Variants in PLCXD2 observed in about 807,000 individuals in gnomAD.
PLCXD2 encodes phosphatidylinositol specific phospholipase C X domain containing 2, also known as PI-PLC X domain-containing protein 2.
Under a neutral mutation model 28.6 loss-of-function variants are expected in PLCXD2, and 21 were observed. That is an observed-to-expected ratio of 0.73 (90% CI 0.52 to 1.06). The LOEUF is 1.06. Among genes scored for constraint, PLCXD2 ranks in the 50% least tolerant of loss-of-function variants. The pLI, the probability that PLCXD2 is intolerant of heterozygous loss-of-function variation, is 0.00. For synonymous variants in PLCXD2, 140 were observed against 150.1 expected (o/e 0.93, Z 0.49); for missense variants, 369 against 376.7 (o/e 0.98, Z 0.17).
At chr3:111,685,369 C>T (rs529871728) in intron 1 of PLCXD2, among the ~76,000 whole-genome samples, 1 of 152,286 alleles carries the variant, frequency 6.6e-6, no homozygotes, top group East Asian at 1.9e-4. Context: ...TATGAATTCT[C>T]TCTTGGCAGC....
chr3:111,716,393 G>A (rs1941267737), intron 3 of PLCXD2, among the ~76,000 whole-genome samples: 1 of 152,210 alleles, frequency 6.6e-6, no homozygotes, highest in Admixed American at 6.5e-5. Context: ...AAATGTAGAG[G>A]TGGTTTCTCG....
At chr3:111,716,253 T>C (rs762878311) in intron 3 of PLCXD2, among the ~76,000 whole-genome samples, 17 of 152,234 alleles carry the variant, frequency 1.1e-4, no homozygotes, top group Non-Finnish European at 2.4e-4. Flanking sequence ...TGTCATTTCC[T>C]CTGGGCTGTT....
At chr3:111,687,858 T>C (rs1940818061) in intron 1 of PLCXD2, among the ~76,000 whole-genome samples, 1 of 152,072 alleles carries the variant, frequency 6.6e-6, no homozygotes, top group Non-Finnish European at 1.5e-5. Flanking sequence ...CTAATTTTTT[T>C]TTATTTCTAG....
chr3:111,695,335 C>T (rs1940946272), intron 1 of PLCXD2, among the ~76,000 whole-genome samples: 2 of 152,132 alleles, frequency 1.3e-5, no homozygotes, highest in Non-Finnish European at 1.5e-5. Context: ...TGGATAGAGC[C>T]AAACCCTATA....
chr3:111,689,201 A>G (rs1940840108), intron 1 of PLCXD2, among the ~76,000 whole-genome samples: 1 of 152,200 alleles, frequency 6.6e-6, no homozygotes, highest in African/African-American at 2.4e-5. Flanking sequence ...GGATTTCAAC[A>G]TGAAGAGGGA....
At chr3:111,699,585 C>G (rs1941011842) in intron 1 of PLCXD2, among the ~76,000 whole-genome samples, 1 of 152,122 alleles carries the variant, frequency 6.6e-6, no homozygotes, top group African/African-American at 2.4e-5. Context: ...CATACCTTAC[C>G]TCTCAAATAA....
At chr3:111,720,621 A>G (rs960816875) in intron 3 of PLCXD2, 102 bp from the exon 4 acceptor site, 15 of 413,104 alleles carry the variant, frequency 3.6e-5, no homozygotes, top group Non-Finnish European at 6.2e-5. Flanking sequence ...TTATTAACAT[A>G]TTTTTGTAAT....
chr3:111,676,955 C>T (rs1037591134), intron 1 of PLCXD2: 22 of 152,308 alleles, frequency 1.4e-4, no homozygotes, highest in African/African-American at 5.3e-4. Context: ...ACTCTGACCC[C>T]GTGACTGTAG....
intron 2 of PLCXD2, among the ~76,000 whole-genome samples, chr3:111,710,406 T>C (rs894717587): frequency 1.9e-4 from 29 of 152,210 alleles, no homozygotes; most frequent in African/African-American, 6.0e-4. Context: ...GCTACGTACA[T>C]GGATTAACTC....
intron 1 of PLCXD2, among the ~76,000 whole-genome samples, chr3:111,698,159 A>G (rs960929837): frequency 9.2e-5 from 14 of 152,188 alleles, no homozygotes; most frequent in African/African-American, 3.1e-4. Context: ...ATTTCTTAAT[A>G]ATTAATAATA....
intron 1 of PLCXD2, among the ~76,000 whole-genome samples, chr3:111,706,935 A>C (rs1344097374): frequency 6.6e-6 from 1 of 152,206 alleles, no homozygotes. Flanking sequence ...ACCTAGATTT[A>C]TGAGGCAAAT....
intron 3 of PLCXD2, chr3:111,726,831 G>C (rs1374862848): frequency 1.3e-5 from 2 of 152,018 alleles, no homozygotes; most frequent in Non-Finnish European, 2.9e-5. Context: ...GTGTTCTCTT[G>C]TATTTGATTT....
At chr3:111,677,969 C>A (rs1357602588) in intron 1 of PLCXD2, among the ~76,000 whole-genome samples, 2 of 152,172 alleles carry the variant, frequency 1.3e-5, no homozygotes, top group African/African-American at 4.8e-5. Context: ...AGTGCTTCAA[C>A]CTGTTGTGTG....
chr3:111,683,579 CA>C (rs1329292747), intron 1 of PLCXD2, among the ~76,000 whole-genome samples: 4 of 152,192 alleles, frequency 2.6e-5, no homozygotes, highest in Non-Finnish European at 5.9e-5. Context: ...CTCTATTCAA[CA>C]CTTGTATAAT....
chr3:111,709,765 A>C (rs534535344), intron 2 of PLCXD2, among the ~76,000 whole-genome samples: 6 of 152,312 alleles, frequency 3.9e-5, no homozygotes, highest in Non-Finnish European at 8.8e-5. Context: ...AGGTGAAGAC[A>C]GAGTAGTGAG....
intron 1 of PLCXD2, among the ~76,000 whole-genome samples, chr3:111,698,797 G>A (rs1207079573): frequency 6.6e-6 from 1 of 152,282 alleles, no homozygotes; most frequent in East Asian, 1.9e-4. Flanking sequence ...GTGGTGGTCT[G>A]TCTCAGCCTT....
chr3:111,690,357 T>A (rs562305631), intron 1 of PLCXD2, among the ~76,000 whole-genome samples: 1 of 152,194 alleles, frequency 6.6e-6, no homozygotes, highest in African/African-American at 2.4e-5. Context: ...TGACCTGTTC[T>A]GGCTGAACAA....
At chr3:111,690,472 G>T (rs1289326536) in intron 1 of PLCXD2, among the ~76,000 whole-genome samples, 1 of 152,130 alleles carries the variant, frequency 6.6e-6, no homozygotes, top group Non-Finnish European at 1.5e-5. Flanking sequence ...CACCCAGCAA[G>T]GCTCCGGCAC....
intron 1 of PLCXD2, among the ~76,000 whole-genome samples, chr3:111,681,440 T>G (rs529000777): frequency 2.6e-5 from 4 of 152,334 alleles, no homozygotes; most frequent in Middle Eastern, 3.4e-3. Flanking sequence ...GTTCCTAGCT[T>G]GAGAGTGGGA....
Sources: allele counts gnomAD v4.1 joint callset (sites outside exome capture counted in the v4.1 genomes callset), GRCh38; gene constraint gnomAD v4.1.1; transcripts MANE v1.5; gene names NCBI Gene and HGNC (gene_info 2026-07-23, HGNC 2026-07-21).